ADAMTSL1: variants seen among roughly 807,000 people sequenced by gnomAD.
The protein encoded by ADAMTSL1 is ADAMTS like 1, also known as ADAMTS-like protein 1.
A neutral mutation model predicts 201.8 loss-of-function variants in ADAMTSL1; 126 were observed. The observed-to-expected ratio is 0.62, with a 90% CI of 0.54 to 0.72. The LOEUF (loss-of-function observed/expected upper bound fraction) is 0.72. Ranked by LOEUF, ADAMTSL1 falls within the 30% of genes least tolerant of loss-of-function variation. The probability of loss-of-function intolerance (pLI) is 0.00; values close to 1 mark genes in which losing one functional copy is unlikely to be tolerated. For synonymous variants in ADAMTSL1, 1,121 were observed against 903.4 expected (o/e 1.24, Z -4.32); for missense variants, 2,679 against 2,277.8 (o/e 1.18, Z -3.59).
At chr9:18,314,116 C>G (rs1261264399) in intron 2 of ADAMTSL1, among the ~76,000 whole-genome samples, 8 of 152,084 alleles carry the variant, frequency 5.3e-5, no homozygotes, top group Admixed American at 3.3e-4. Context: ...AAGTGCAAAT[C>G]AAAACCACAG....
chr9:18,770,891 T>C, intron 17 of ADAMTSL1, 110 bp downstream of exon 17: 1 of 1,154,324 alleles, frequency 8.7e-7, no homozygotes, highest in Non-Finnish European at 1.2e-6. Flanking sequence ...TTCCTAATAT[T>C]ATGGAATAGT....
chr9:18,127,288 G>T (rs901990809), intron 1 of ADAMTSL1, among the ~76,000 whole-genome samples: 1 of 152,092 alleles, frequency 6.6e-6, no homozygotes, highest in Non-Finnish European at 1.5e-5. Flanking sequence ...TAACTACCTA[G>T]ACCACCTGAT....
chr9:18,558,296 G>T (rs992054182), intron 3 of ADAMTSL1, among the ~76,000 whole-genome samples: 1 of 152,164 alleles, frequency 6.6e-6, no homozygotes, highest in African/African-American at 2.4e-5. Context: ...TGCTGAGAAT[G>T]ATGGTTTCCA....
At chr9:18,042,388 A>G (rs1821464674) in intron 1 of ADAMTSL1, among the ~76,000 whole-genome samples, 1 of 152,178 alleles carries the variant, frequency 6.6e-6, no homozygotes, top group Non-Finnish European at 1.5e-5. Context: ...ATTATATGCC[A>G]GCAACTTTCA....
chr9:17,947,219 C>T (rs557323733), intron 1 of ADAMTSL1, among the ~76,000 whole-genome samples: 1 of 150,864 alleles, frequency 6.6e-6, no homozygotes, highest in African/African-American at 2.4e-5. Context: ...AAAACACAGT[C>T]TGTTAAACTG....
intron 3 of ADAMTSL1, among the ~76,000 whole-genome samples, chr9:18,552,111 T>C (rs531762868): frequency 6.6e-6 from 1 of 152,016 alleles, no homozygotes; most frequent in East Asian, 1.9e-4. Context: ...ACTTCATTGA[T>C]ATTTATATTA....
intron 1 of ADAMTSL1, among the ~76,000 whole-genome samples, chr9:17,933,872 T>C (rs1826899009): frequency 1.3e-5 from 2 of 152,136 alleles, no homozygotes; most frequent in Non-Finnish European, 2.9e-5. Flanking sequence ...ACCAGAGATT[T>C]TGGTGGGGAC....
At chr9:18,110,106 C>G (rs1484935467) in intron 1 of ADAMTSL1, among the ~76,000 whole-genome samples, 1 of 152,196 alleles carries the variant, frequency 6.6e-6, no homozygotes. Flanking sequence ...CAAGTCTTTC[C>G]TCTTTCCCTA....
At chr9:18,855,256 GGT>G (rs1429974166) in intron 23 of ADAMTSL1, among the ~76,000 whole-genome samples, 3 of 152,176 alleles carry the variant, frequency 2.0e-5, no homozygotes, top group Non-Finnish European at 4.4e-5. Flanking sequence ...GGAACACACT[GGT>G]ATAGTTGGAC....
chr9:18,708,568 G>A (rs906879699), intron 14 of ADAMTSL1, among the ~76,000 whole-genome samples: 1 of 152,198 alleles, frequency 6.6e-6, no homozygotes, highest in Non-Finnish European at 1.5e-5. Context: ...TGGAGCCTGG[G>A]CAGGAGCTGA....
chr9:18,174,679 T>C (rs1172813789), intron 2 of ADAMTSL1, among the ~76,000 whole-genome samples: 2 of 152,134 alleles, frequency 1.3e-5, no homozygotes, highest in African/African-American at 4.8e-5. Context: ...AAACTAAGAT[T>C]GTAATCGGGC....
chr9:18,517,310 T>A (rs928988652), intron 2 of ADAMTSL1, among the ~76,000 whole-genome samples: 1 of 152,156 alleles, frequency 6.6e-6, no homozygotes, highest in Non-Finnish European at 1.5e-5. Flanking sequence ...ACACAACTTA[T>A]AATAAATATA....
At chr9:18,123,692 A>T (rs1349244757) in intron 1 of ADAMTSL1, among the ~76,000 whole-genome samples, 5 of 152,192 alleles carry the variant, frequency 3.3e-5, no homozygotes, top group Admixed American at 1.3e-4. Context: ...AGTTGTACAG[A>T]CGTCGACACT....
chr9:18,033,023 A>T (rs537150622), intron 1 of ADAMTSL1, among the ~76,000 whole-genome samples: 2 of 152,124 alleles, frequency 1.3e-5, no homozygotes, highest in Non-Finnish European at 2.9e-5. Context: ...TCTCTGTGGG[A>T]CAGGCACCTC....
chr9:18,026,775 G>T (rs1327270456), intron 1 of ADAMTSL1, among the ~76,000 whole-genome samples: 3 of 152,054 alleles, frequency 2.0e-5, no homozygotes, highest in African/African-American at 7.2e-5. Context: ...GTTTCAGTAG[G>T]ATTGATAGCA....
intron 23 of ADAMTSL1, among the ~76,000 whole-genome samples, chr9:18,864,075 A>G (rs1337184729): frequency 6.6e-6 from 1 of 152,210 alleles, no homozygotes; most frequent in Non-Finnish European, 1.5e-5. Context: ...GCATGTCCTA[A>G]TCAGCCACAG....
At chr9:18,809,830 T>C (rs1008515078) in intron 20 of ADAMTSL1, among the ~76,000 whole-genome samples, 1 of 152,122 alleles carries the variant, frequency 6.6e-6, no homozygotes, top group Non-Finnish European at 1.5e-5. Flanking sequence ...TGAAGTTTTG[T>C]TTTAATTGTA....
intron 2 of ADAMTSL1, among the ~76,000 whole-genome samples, chr9:18,454,995 C>G (rs1040933279): frequency 1.3e-5 from 2 of 152,130 alleles, no homozygotes; most frequent in Non-Finnish European, 2.9e-5. Flanking sequence ...CTTCCCCACC[C>G]CCACCTTGCA....
intron 2 of ADAMTSL1, among the ~76,000 whole-genome samples, chr9:18,379,150 G>A (rs1837437281): frequency 6.6e-6 from 1 of 152,182 alleles, no homozygotes; most frequent in African/African-American, 2.4e-5. Flanking sequence ...ATTATAGGAG[G>A]CCATCGTTTT....
Sources: allele counts gnomAD v4.1 joint callset (sites outside exome capture counted in the v4.1 genomes callset), GRCh38; gene constraint gnomAD v4.1.1; transcripts MANE v1.5; gene names NCBI Gene and HGNC (gene_info 2026-07-23, HGNC 2026-07-21).